Variants in CALD1 observed in about 807,000 individuals in gnomAD.
CALD1 encodes the protein caldesmon.
A neutral mutation model predicts 99.9 loss-of-function variants in CALD1; 33 were observed. That is an observed-to-expected ratio of 0.33 (90% CI 0.25 to 0.44). CALD1 has a LOEUF of 0.44. Among genes scored for constraint, CALD1 ranks in the 20% least tolerant of loss-of-function variants. The pLI is 1.00. For missense variants in CALD1, 861 were observed against 962.1 expected, an observed-to-expected ratio of 0.89 and a Z score of 1.39; for synonymous variants, 310 against 325.0, an observed-to-expected ratio of 0.95 and a Z score of 0.50.
chr7:134,844,539 C>T (rs1799775400), intron 2 of CALD1, among the ~76,000 whole-genome samples: 1 of 152,158 alleles, frequency 6.6e-6, no homozygotes, highest in African/African-American at 2.4e-5. Context: ...GAGCTTGGCT[C>T]CAGTAGGTAG....
At chr7:134,752,047 AT>A (rs1796689940) in intron 1 of CALD1, among the ~76,000 whole-genome samples, 1 of 152,246 alleles carries the variant, frequency 6.6e-6, no homozygotes, top group South Asian at 2.1e-4. Flanking sequence ...CTTTTCAGAA[AT>A]GTCATTCATG....
chr7:134,897,359 C>T (rs1487462526), intron 3 of CALD1, among the ~76,000 whole-genome samples: 1 of 148,622 alleles, frequency 6.7e-6, no homozygotes, highest in Admixed American at 6.7e-5. Context: ...ATTTTGTAAC[C>T]CCAGTACCTA....
the CALD1 span, among the ~76,000 whole-genome samples, chr7:134,726,519 A>AGCT: frequency 1.4e-5 from 2 of 140,234 alleles, no homozygotes; most frequent in African/African-American, 5.6e-5. Flanking sequence ...TATACAATAT[A>AGCT]TTATATATAT....
the CALD1 span, among the ~76,000 whole-genome samples, chr7:134,735,356 T>G: frequency 6.6e-6 from 1 of 152,188 alleles, no homozygotes; most frequent in South Asian, 2.1e-4. Context: ...TCATTGCATA[T>G]TAACACACAC....
the CALD1 span, among the ~76,000 whole-genome samples, chr7:134,716,236 T>C: frequency 6.6e-6 from 1 of 152,208 alleles, no homozygotes; most frequent in Non-Finnish European, 1.5e-5. Context: ...AAATGGAATG[T>C]ACCATCAGGG....
the CALD1 span, chr7:134,734,874 C>G: frequency 6.4e-6 from 1 of 155,924 alleles, no homozygotes. Context: ...GAGAACAGAC[C>G]AATACACCCA....
intron 3 of CALD1, among the ~76,000 whole-genome samples, chr7:134,870,968 C>T (rs1801044878): frequency 6.6e-6 from 1 of 152,102 alleles, no homozygotes; most frequent in African/African-American, 2.4e-5. Flanking sequence ...AGGGTGTGTG[C>T]AGGAAACAGG....
At chr7:134,769,406 T>C (rs1796858036) in intron 1 of CALD1, among the ~76,000 whole-genome samples, 1 of 152,218 alleles carries the variant, frequency 6.6e-6, no homozygotes, top group Admixed American at 6.5e-5. Context: ...ATCAACAACG[T>C]TTAGTTTTGC....
At chr7:134,964,814 T>C (rs1021493323) in intron 13 of CALD1, among the ~76,000 whole-genome samples, 3 of 152,218 alleles carry the variant, frequency 2.0e-5, no homozygotes, top group Non-Finnish European at 4.4e-5. Context: ...ATGCTCCTGT[T>C]TCACTTTTAC....
intron 3 of CALD1, among the ~76,000 whole-genome samples, chr7:134,927,551 CA>C (rs58182455): frequency 0.07 from 2,814 of 40,292 alleles, 6 homozygotes; most frequent in African/African-American, 0.11. Context: ...GACTGTGTCT[CA>C]AAAAAAAAAA....
At chr7:134,886,731 G>C (rs1410665191) in intron 3 of CALD1, among the ~76,000 whole-genome samples, 2 of 152,218 alleles carry the variant, frequency 1.3e-5, no homozygotes, top group East Asian at 3.8e-4. Flanking sequence ...TTCGATAACA[G>C]GATAAATTGA....
chr7:134,825,619 T>G (rs967034900), intron 1 of CALD1, among the ~76,000 whole-genome samples: 1 of 152,184 alleles, frequency 6.6e-6, no homozygotes, highest in Non-Finnish European at 1.5e-5. Context: ...CATTTAGAGT[T>G]CATTGTTGGT....
Position 134,941,102 on chromosome 7 carries a change from A to G in CALD1, c.1397A>G (p.Glu466Gly). The change falls in exon 7 of 15, where the codon GAA (glutamate) becomes GGA (glycine). Residue 466 changes from glutamate (E) to glycine (G), a missense_variant. Physicochemically the swap from Glu to Gly is moderately conservative, Grantham distance 98 (BLOSUM62 -2). This residue lies in a region of CALD1 where 293 missense variants were observed against 262.7 expected (regional missense o/e 1.12). Transcript: ENST00000361675. ...TGTACTGTTGGTTAGATCAAAGATG[A>G]AAAGATTAAAAAGGACAAAGAACCC... is the stretch of plus-strand genomic sequence containing the variant. ...PTFKKEEIKDEKIKKDKEPKE... is the reference protein window; with the variant it reads ...PTFKKEEIKDGKIKKDKEPKE... 6.2e-7 allele frequency: 1 copy of G among 1,607,272 alleles called. No individual in the cohort carries two copies. The highest frequency in any genetic ancestry group is 8.5e-7 in the Non-Finnish European group (1 of 1,177,838).
chr7:134,843,323 G>A (rs1296478623), intron 1 of CALD1, among the ~76,000 whole-genome samples: 1 of 152,196 alleles, frequency 6.6e-6, no homozygotes, highest in African/African-American at 2.4e-5. Context: ...CTTAAACAGG[G>A]AGTAAGAGCT....
chr7:134,791,415 C>A (rs1158456680), intron 1 of CALD1, among the ~76,000 whole-genome samples: 1 of 152,106 alleles, frequency 6.6e-6, no homozygotes, highest in Non-Finnish European at 1.5e-5. Context: ...CCAGGCTGGT[C>A]TCGAACTCCT....
At chr7:134,812,427 G>C (rs1798385942) in intron 1 of CALD1, among the ~76,000 whole-genome samples, 1 of 152,136 alleles carries the variant, frequency 6.6e-6, no homozygotes, top group African/African-American at 2.4e-5. Context: ...TGTGTGTGCT[G>C]TTTCCAAGGA....
intron 2 of CALD1, among the ~76,000 whole-genome samples, chr7:134,866,545 T>C (rs1800807834): frequency 6.6e-6 from 1 of 152,144 alleles, no homozygotes; most frequent in African/African-American, 2.4e-5. Context: ...AATAAAATAA[T>C]TGGACAATTT....
At chr7:134,761,010 C>G (rs1034300818) in intron 1 of CALD1, among the ~76,000 whole-genome samples, 5 of 152,122 alleles carry the variant, frequency 3.3e-5, no homozygotes, top group African/African-American at 1.2e-4. Flanking sequence ...TCTTAGAGAA[C>G]AGGTCTGGGG....
At chr7:134,832,818 A>G (rs1220503995) in intron 1 of CALD1, among the ~76,000 whole-genome samples, 2 of 152,216 alleles carry the variant, frequency 1.3e-5, no homozygotes, top group Non-Finnish European at 1.5e-5. Flanking sequence ...TGTATTCCAC[A>G]TAATGTAGTT....
Sources: allele counts gnomAD v4.1 joint callset (sites outside exome capture counted in the v4.1 genomes callset), GRCh38; gene constraint gnomAD v4.1.1; regional missense constraint gnomAD v4.1.1; transcripts MANE v1.5; gene names NCBI Gene and HGNC (gene_info 2026-07-23, HGNC 2026-07-21).